The following CNBD1 variants were observed in gnomAD, a reference collection of about 807,000 sequenced individuals.
CNBD1 encodes cyclic nucleotide binding domain containing 1.
CNBD1 carries 71 observed loss-of-function variants against 54.4 expected under a neutral mutation model. That is an observed-to-expected ratio of 1.30 (90% CI 1.08 to 1.59). CNBD1 has a LOEUF of 1.59. Ranked by LOEUF, CNBD1 falls within the 40% of genes most tolerant of loss-of-function variation. CNBD1 has a pLI of 0.00. For missense variants in CNBD1, 659 were observed against 518.0 expected (o/e 1.27, Z -2.64); for synonymous variants, 182 against 170.7 (o/e 1.07, Z -0.51).
chr8:87,380,722 T>C (rs191380991), intron 10 of CNBD1, among the ~76,000 whole-genome samples: 1 of 152,026 alleles, frequency 6.6e-6, no homozygotes, highest in African/African-American at 2.4e-5. Flanking sequence ...AGTAAACAAG[T>C]CTTTTACCTC....
chr8:87,355,934 T>A (rs541467520), intron 10 of CNBD1, among the ~76,000 whole-genome samples: 1 of 152,188 alleles, frequency 6.6e-6, no homozygotes, highest in African/African-American at 2.4e-5. Flanking sequence ...ATGAGTGAGT[T>A]CTCACTCTAT....
intron 4 of CNBD1, among the ~76,000 whole-genome samples, chr8:86,980,420 G>T (rs1808455635): frequency 6.6e-6 from 1 of 152,144 alleles, no homozygotes; most frequent in Non-Finnish European, 1.5e-5. Flanking sequence ...TGCATATCTG[G>T]CTCACTGCTC....
chr8:86,948,099 AC>A (rs984615893), intron 4 of CNBD1, among the ~76,000 whole-genome samples: 4 of 152,122 alleles, frequency 2.6e-5, no homozygotes, highest in African/African-American at 9.6e-5. Flanking sequence ...TCTCATTATT[AC>A]GTATGGATGA....
chr8:86,932,515 A>C (rs184006288), intron 3 of CNBD1, among the ~76,000 whole-genome samples: 1 of 152,312 alleles, frequency 6.6e-6, no homozygotes. Flanking sequence ...TGTAGATTGC[A>C]AACTTTGCAT....
At chr8:86,994,878 C>T (rs146924585) in intron 4 of CNBD1, among the ~76,000 whole-genome samples, 3 of 152,182 alleles carry the variant, frequency 2.0e-5, no homozygotes, top group African/African-American at 7.2e-5. Context: ...AAGCCACATG[C>T]TTTGATAAAG....
chr8:87,104,252 CAA>C (rs1428626719), intron 4 of CNBD1, among the ~76,000 whole-genome samples: 3 of 152,154 alleles, frequency 2.0e-5, no homozygotes, highest in African/African-American at 7.2e-5. Context: ...AGTTGCTGAA[CAA>C]AAGAGTCAAG....
intron 4 of CNBD1, among the ~76,000 whole-genome samples, chr8:87,076,377 G>A (rs953542942): frequency 2.6e-5 from 4 of 151,988 alleles, no homozygotes; most frequent in African/African-American, 9.7e-5. Context: ...GCTATTGGTG[G>A]CCTATATTTT....
intron 4 of CNBD1, among the ~76,000 whole-genome samples, chr8:87,004,485 G>A (rs573905536): frequency 7.2e-6 from 1 of 138,630 alleles, no homozygotes; most frequent in African/African-American, 2.6e-5. Context: ...ACTCATTATT[G>A]CACTCACACC....
chr8:86,943,979 TCA>T (rs1206976036), intron 4 of CNBD1, among the ~76,000 whole-genome samples: 1 of 152,152 alleles, frequency 6.6e-6, no homozygotes, highest in African/African-American at 2.4e-5. Context: ...GTTACTAGGC[TCA>T]CAGCTTAATT....
At chr8:86,935,041 ATTTATTTAT>A (rs1809521947) in intron 3 of CNBD1, among the ~76,000 whole-genome samples, 1 of 126,718 alleles carries the variant, frequency 7.9e-6, no homozygotes, top group Non-Finnish European at 1.8e-5. Flanking sequence ...TTATTTATTT[ATTTATTTAT>A]TTTGAGACAG....
At chr8:87,225,013 T>TG (rs1235455340) in intron 5 of CNBD1, among the ~76,000 whole-genome samples, 1 of 152,082 alleles carries the variant, frequency 6.6e-6, no homozygotes, top group African/African-American at 2.4e-5. Flanking sequence ...CAATTGTGAA[T>TG]GGGAGTTCAC....
intron 4 of CNBD1, among the ~76,000 whole-genome samples, chr8:87,061,245 G>A (rs925298410): frequency 6.6e-6 from 1 of 152,092 alleles, no homozygotes; most frequent in Non-Finnish European, 1.5e-5. Context: ...TGACAAGCAG[G>A]ATTCTGTGAG....
intron 2 of CNBD1, among the ~76,000 whole-genome samples, chr8:87,422,748 A>G (rs200510469): frequency 1.6e-4 from 25 of 152,134 alleles, no homozygotes; most frequent in South Asian, 4.2e-4. Flanking sequence ...GATTGACTTG[A>G]CGATGCGGGC....
At position 87,392,491 on chromosome 8, in the gene CNBD1, T is replaced by C. The variant is rs1811327336; in HGVS notation, c.214-36055T>C. ...TCAGCAATAAGAAGGAATGAAGTCC[T>C]GATACATGAAATAATCTAGATGAAC... On this transcript the variant is annotated intron_variant, in intron 2 of 7. Transcript: ENST00000521593. 1.3e-5 allele frequency among the ~76,000 whole-genome samples: 2 copies of C among 152,030 alleles called. 1 individual carries two copies. Among genetic ancestry groups the C allele is most frequent in the South Asian group, 4.1e-4 (2 of 4,834 alleles).
At chr8:87,292,988 C>A (rs1808813488) in intron 8 of CNBD1, among the ~76,000 whole-genome samples, 1 of 152,122 alleles carries the variant, frequency 6.6e-6, no homozygotes, top group African/African-American at 2.4e-5. Flanking sequence ...CTTCCTAACA[C>A]CCTCTGATAA....
chr8:87,346,223 T>A (rs1810173926), intron 8 of CNBD1, among the ~76,000 whole-genome samples: 1 of 151,966 alleles, frequency 6.6e-6, no homozygotes, highest in Non-Finnish European at 1.5e-5. Context: ...GTATTTTTAG[T>A]AGAGATGGGG....
chr8:87,353,746 A>T lies in CNBD1; in HGVS notation c.1263A>T (p.Lys421Asn), dbSNP rs923580200. Residue 421 changes from lysine (K) to asparagine (N), a missense_variant, in exon 10 of 11, where the codon AAA (lysine) becomes AAT (asparagine). Physicochemically the swap from Lys to Asn is moderately conservative, Grantham distance 94. Transcript: ENST00000518476. ...VPFTCTIITKKEVEMAIIEDK... is the reference protein window; with the variant it reads ...VPFTCTIITKNEVEMAIIEDK... ...TCACGTGCACAATCATTACCAAAAA[A>T]GAAGTTGAGATGGCAATCATTGAAG... 30 of 1,611,298 alleles carry T rather than the reference A, an allele frequency of 1.9e-5. No individual in the cohort carries two copies. The highest frequency in any genetic ancestry group is 2.4e-5 in the Non-Finnish European group (28 of 1,178,668).
At chr8:87,169,962 A>G (rs1406977750) in intron 4 of CNBD1, among the ~76,000 whole-genome samples, 8 of 152,008 alleles carry the variant, frequency 5.3e-5, no homozygotes, top group East Asian at 3.9e-4. Flanking sequence ...TAGTATTTTG[A>G]TAGGGAATGT....
At chr8:87,410,915 G>A (rs988066104) in intron 2 of CNBD1, among the ~76,000 whole-genome samples, 4 of 151,974 alleles carry the variant, frequency 2.6e-5, no homozygotes, top group African/African-American at 9.7e-5. Flanking sequence ...CTGAAAGCTC[G>A]GATGATTGTT....
Sources: allele counts gnomAD v4.1 joint callset (sites outside exome capture counted in the v4.1 genomes callset), GRCh38; gene constraint gnomAD v4.1.1; transcripts MANE v1.5; gene names NCBI Gene and HGNC (gene_info 2026-07-23, HGNC 2026-07-21).